The following BCAP29 variants were observed in gnomAD, a reference collection of about 807,000 sequenced individuals.
BCAP29 encodes the protein B cell receptor associated protein 29.
BCAP29 carries 34 observed loss-of-function variants against 31.8 expected under a neutral mutation model. The observed-to-expected ratio is 1.07, with a 90% CI of 0.81 to 1.42. The LOEUF (loss-of-function observed/expected upper bound fraction) is 1.42. Among genes scored for constraint, BCAP29 ranks in the 40% most tolerant of loss-of-function variants. BCAP29 has a pLI of 0.00. For missense variants in BCAP29, 314 were observed against 269.2 expected (o/e 1.17, Z -1.16); for synonymous variants, 104 against 91.3 (o/e 1.14, Z -0.79).
chr7:107,598,556 A>G (rs910592797), intron 5 of BCAP29, among the ~76,000 whole-genome samples: 4 of 152,178 alleles, frequency 2.6e-5, no homozygotes, highest in Non-Finnish European at 4.4e-5. Context: ...AAGTTATTCA[A>G]AAGTAGAGAC....
intron 6 of BCAP29, among the ~76,000 whole-genome samples, chr7:107,604,994 A>G (rs937349606): frequency 6.6e-6 from 1 of 152,184 alleles, no homozygotes; most frequent in African/African-American, 2.4e-5. Flanking sequence ...TTATCTTCAC[A>G]TATTGATGTT....
chr7:107,589,869 G>A (rs1808402357), intron 3 of BCAP29, among the ~76,000 whole-genome samples: 1 of 152,144 alleles, frequency 6.6e-6, no homozygotes, highest in Non-Finnish European at 1.5e-5. Flanking sequence ...GCCCAGGCTG[G>A]TCTCAAACTC....
chr7:107,604,667 G>T (rs150833112), intron 6 of BCAP29, among the ~76,000 whole-genome samples: 3,772 of 145,464 alleles, frequency 0.026, 159 homozygotes, highest in African/African-American at 0.092. Flanking sequence ...TAGTCATTTT[G>T]TTGTTGTTGT....
At chr7:107,613,278 C>CT in intron 6 of BCAP29, 54 bp from the exon 7 acceptor site, 1 of 1,375,842 alleles carries the variant, frequency 7.3e-7, no homozygotes, top group Non-Finnish European at 1.0e-6. Flanking sequence ...TGTAACTTTT[C>CT]TATAAATTTG....
chr7:107,597,455 G>C (rs914440506), intron 5 of BCAP29, among the ~76,000 whole-genome samples: 1 of 152,170 alleles, frequency 6.6e-6, no homozygotes, highest in Non-Finnish European at 1.5e-5. Context: ...TTAGGTGCTA[G>C]TTCCAACATG....
At chr7:107,593,825 A>C (rs1809311629) in intron 3 of BCAP29, 130 bp from the exon 4 acceptor site, 1 of 828,938 alleles carries the variant, frequency 1.2e-6, no homozygotes, top group Non-Finnish European at 1.8e-6. Flanking sequence ...AGACGGAATG[A>C]CATAAAGGTC....
chr7:107,616,981 C>T (rs758896839), intron 7 of BCAP29, among the ~76,000 whole-genome samples: 4 of 152,156 alleles, frequency 2.6e-5, no homozygotes, highest in Non-Finnish European at 5.9e-5. Flanking sequence ...TCAAGCGATC[C>T]GCCCACCTGG....
rs1585265640 is a variant in BCAP29, at chr7:107,618,392, G to A, written c.*29G>A. The A allele has an allele frequency of 6.2e-7, 1 of 1,611,792 alleles. No individual in the cohort carries two copies. The highest frequency in any genetic ancestry group is 8.5e-7 in the Non-Finnish European group (1 of 1,178,330). On this transcript the variant is annotated 3_prime_UTR_variant, in exon 8 of 8. Coordinates refer to ENST00000005259, the MANE Select transcript of BCAP29 (RefSeq NM_018844.4). ...TTATAAAAGACACTTGCAATATACT[G>A]TGTCAAAATGATAATTTTGTTATGT...
At chr7:107,591,433 T>G (rs912151212) in intron 3 of BCAP29, among the ~76,000 whole-genome samples, 1 of 152,174 alleles carries the variant, frequency 6.6e-6, no homozygotes, top group Admixed American at 6.5e-5. Context: ...TGACCTCCTC[T>G]GAGCAAAAAG....
chr7:107,615,294 G>A (rs1319256799), intron 7 of BCAP29: 1 of 456,680 alleles, frequency 2.2e-6, no homozygotes, highest in East Asian at 7.0e-5. Flanking sequence ...AAAGGAAGTA[G>A]AAAGCTTTTA....
At chr7:107,599,322 T>A (rs1157963223) in intron 5 of BCAP29, among the ~76,000 whole-genome samples, 1 of 124,148 alleles carries the variant, frequency 8.1e-6, no homozygotes, top group African/African-American at 3.1e-5. Flanking sequence ...TATATATATA[T>A]ATAAATATAT....
chr7:107,609,451 G>A (rs192237662), intron 6 of BCAP29, among the ~76,000 whole-genome samples: 4 of 152,332 alleles, frequency 2.6e-5, no homozygotes, highest in Admixed American at 1.3e-4. Flanking sequence ...AATGAGGACA[G>A]TGGTCACAGA....
Position 107,612,391 on chromosome 7 carries a change from T to TTTTA in BCAP29, c.590-940_590-939insTTAT, listed in dbSNP as rs1430473654. 3.2e-4 allele frequency among the ~76,000 whole-genome samples: 10 copies of TTTTA among 30,868 alleles called. 1 individual carries two copies. The highest frequency in any genetic ancestry group is 1.0e-3 in the African/African-American group (8 of 7,834). The allele number at this position is 30,868 out of a possible 152,430, so 20.3% of individuals were successfully genotyped here. ...AGCACCTTCTTCACAATGTATTGTT[T>TTTTA]TATATATATATATATATATATATAT... On this transcript the variant is annotated intron_variant, in intron 6 of 7. Coordinates refer to ENST00000005259, the MANE Select transcript of BCAP29 (RefSeq NM_018844.4).
chr7:107,595,209 G>A (rs2129237280), intron 4 of BCAP29, among the ~76,000 whole-genome samples: 1 of 152,216 alleles, frequency 6.6e-6, no homozygotes, highest in South Asian at 2.1e-4. Context: ...TTCTCTTACA[G>A]GTGCTCAAAG....
At position 107,593,974 on chromosome 7, in the gene BCAP29, G is replaced by A. The variant is rs1211546398; in HGVS notation, c.213G>A (p.Arg71=). Residue 71 remains arginine (R), a synonymous_variant, in exon 4 of 8, where the codon AGG becomes AGA. Coordinates refer to ENST00000005259, the MANE Select transcript of BCAP29 (RefSeq NM_018844.4). ...VLFLDAVREV[R]KYSSVHTIEK... is the part of the protein sequence containing the mutation. ...TAATAGATGCTGTGAGAGAAGTAAG[G>A]AAATATTCCTCAGTTCATACCATTG... 1 of 1,611,104 alleles carries A rather than the reference G, an allele frequency of 6.2e-7. No homozygotes were observed.
chr7:107,591,084 C>G (rs1391651242), intron 3 of BCAP29, among the ~76,000 whole-genome samples: 1 of 151,938 alleles, frequency 6.6e-6, no homozygotes, highest in Non-Finnish European at 1.5e-5. Context: ...CACAACAGCT[C>G]TATACAGAAA....
chr7:107,601,109 G>C (rs542317243), intron 6 of BCAP29, among the ~76,000 whole-genome samples: 1 of 152,082 alleles, frequency 6.6e-6, no homozygotes, highest in East Asian at 1.9e-4. Flanking sequence ...AAAAAGTTTT[G>C]CTAGTGTTTT....
In BCAP29 at chr7:107,618,465, G is replaced by A. The variant is rs201233658; in HGVS notation, c.*102G>A. On this transcript the variant is annotated 3_prime_UTR_variant, in exon 8 of 8. Transcript: ENST00000005259. ...CAGAAAAATGCACTATGACCGGTTC[G>A]TAATTTTTTTAATGCCACACATAGG... is the stretch of plus-strand genomic sequence containing the variant. 293 of 1,612,758 alleles carry A rather than the reference G, an allele frequency of 1.8e-4. 1 individual carries two copies. Among genetic ancestry groups the A allele is most frequent in the Admixed American group, 6.8e-4 (41 of 59,954 alleles).
At chr7:107,591,656 A>ACACACACACACACACACACACAAACACC in intron 3 of BCAP29, among the ~76,000 whole-genome samples, 1 of 136,076 alleles carries the variant, frequency 7.3e-6, no homozygotes, top group South Asian at 2.5e-4. Flanking sequence ...ACACACACAC[A>ACACACACACACACACACACACAAACACC]CCCTATTGGT....
Sources: gnomAD v4.1 joint callset for allele counts (sites outside exome capture counted in the v4.1 genomes callset) on GRCh38, gnomAD v4.1.1 for gene constraint, MANE v1.5 for transcripts, NCBI Gene and HGNC (gene_info 2026-07-23, HGNC 2026-07-21) for gene names.